Variants in ATG10 observed in about 807,000 individuals in gnomAD.
ATG10 encodes the protein autophagy related 10.
A neutral mutation model predicts 32.1 loss-of-function variants in ATG10; 30 were observed. That is an observed-to-expected ratio of 0.94 (90% confidence interval 0.70 to 1.27). ATG10 has a LOEUF of 1.27. Among genes scored for constraint, ATG10 ranks in the 50% most tolerant of loss-of-function variants. ATG10 has a pLI of 0.00. For missense variants in ATG10, 233 were observed against 262.3 expected, an observed-to-expected ratio of 0.89 and a Z score of 0.77; for synonymous variants, 87 against 91.5, an observed-to-expected ratio of 0.95 and a Z score of 0.28.
chr5:82,216,564 A>G (rs917725508), intron 5 of ATG10, among the ~76,000 whole-genome samples: 24 of 152,344 alleles, frequency 1.6e-4, no homozygotes, highest in African/African-American at 5.3e-4. Flanking sequence ...GACTTCAAGC[A>G]TGCTAATTAG....
chr5:82,234,371 C>T (rs1487892390), intron 5 of ATG10, among the ~76,000 whole-genome samples: 2 of 152,132 alleles, frequency 1.3e-5, no homozygotes, highest in Non-Finnish European at 2.9e-5. Flanking sequence ...GTATCAGGGC[C>T]CACCCTGCAG....
intron 3 of ATG10, among the ~76,000 whole-genome samples, chr5:82,064,448 G>A (rs961559353): frequency 6.6e-6 from 1 of 152,074 alleles, no homozygotes; most frequent in Non-Finnish European, 1.5e-5. Flanking sequence ...AAACTTGAGG[G>A]AAGGGTTTTT....
At chr5:82,253,785 C>G (rs1747357872) in intron 7 of ATG10, among the ~76,000 whole-genome samples, 2 of 152,162 alleles carry the variant, frequency 1.3e-5, no homozygotes, top group African/African-American at 4.8e-5. Flanking sequence ...AGGTTGCGCG[C>G]TCCTTATGAG....
rs117024063 is a variant in ATG10 at position 82,121,353 on chromosome 5, G to A, written c.217-43046G>A. 8.7e-4 allele frequency among the ~76,000 whole-genome samples: 132 copies of A among 152,280 alleles called. 1 individual carries two copies. The East Asian group carries it at 0.025, about 28-fold the overall frequency. ...TGAAGTTGTTTGTCAGCTGAAGGAG[G>A]TTTTGGATCAAGACTATGGAATGTT... On this transcript the variant is annotated intron_variant, in intron 3 of 7. Coordinates refer to ENST00000282185, the MANE Select transcript of ATG10 (RefSeq NM_031482.5).
chr5:82,112,334 A>T (rs557419583), intron 3 of ATG10, among the ~76,000 whole-genome samples: 3 of 152,058 alleles, frequency 2.0e-5, no homozygotes, highest in Non-Finnish European at 2.9e-5. Flanking sequence ...AACCATTTTT[A>T]AAATATATTT....
intron 3 of ATG10, among the ~76,000 whole-genome samples, chr5:82,123,524 T>TA (rs371845829): frequency 0.22 from 30,637 of 138,282 alleles, 3,478 homozygotes; most frequent in Middle Eastern, 0.32. Flanking sequence ...AAAATAAAAG[T>TA]AAAAAAAAAA....
chr5:82,046,955 A>G (rs989058650), intron 2 of ATG10, among the ~76,000 whole-genome samples: 2 of 152,124 alleles, frequency 1.3e-5, no homozygotes, highest in African/African-American at 2.4e-5. Flanking sequence ...ATCAAGATGA[A>G]GAAGGCCAAC....
At chr5:82,135,595 G>C (rs1304315412) in intron 3 of ATG10, among the ~76,000 whole-genome samples, 1 of 151,946 alleles carries the variant, frequency 6.6e-6, no homozygotes, top group African/African-American at 2.4e-5. Context: ...AGACTGTTAT[G>C]ATTTCTGTTC....
intron 2 of ATG10, among the ~76,000 whole-genome samples, chr5:81,998,461 A>G (rs1451394475): frequency 1.3e-5 from 2 of 152,230 alleles, no homozygotes; most frequent in African/African-American, 4.8e-5. Flanking sequence ...CAGTGACACT[A>G]TAAAGCAACC....
chr5:82,181,284 G>A (rs1005240099), intron 5 of ATG10, among the ~76,000 whole-genome samples: 1 of 152,104 alleles, frequency 6.6e-6, no homozygotes, highest in Admixed American at 6.6e-5. Context: ...TAATAACAAT[G>A]TTTATTTAAG....
At chr5:82,036,895 G>T (rs964888813) in intron 2 of ATG10, among the ~76,000 whole-genome samples, 1 of 151,786 alleles carries the variant, frequency 6.6e-6, no homozygotes, top group Non-Finnish European at 1.5e-5. Flanking sequence ...CACTATGGAA[G>T]GCAGAGGCCG....
intron 5 of ATG10, among the ~76,000 whole-genome samples, chr5:82,230,751 A>AAAAAAAAAAAAAAAAAAAT (rs1746335401): frequency 6.6e-6 from 1 of 151,104 alleles, no homozygotes. Context: ...AAAAAAAAAA[A>AAAAAAAAAAAAAAAAAAAT]AAAAAAGTAT....
At chr5:82,086,342 A>T (rs1418227520) in intron 3 of ATG10, among the ~76,000 whole-genome samples, 1 of 152,246 alleles carries the variant, frequency 6.6e-6, no homozygotes, top group African/African-American at 2.4e-5. Context: ...AATAAAATTT[A>T]AAATTACAAT....
At chr5:82,085,756 C>T (rs1217699236) in intron 3 of ATG10, among the ~76,000 whole-genome samples, 1 of 152,034 alleles carries the variant, frequency 6.6e-6, no homozygotes, top group Non-Finnish European at 1.5e-5. Flanking sequence ...TGGGTATTTG[C>T]ACACACTAGG....
At chr5:82,208,452 T>C (rs138189684) in intron 5 of ATG10, among the ~76,000 whole-genome samples, 2 of 152,306 alleles carry the variant, frequency 1.3e-5, no homozygotes, top group East Asian at 3.9e-4. Context: ...CCTCCATTGA[T>C]TAGTTTTTAA....
At chr5:82,210,297 G>T (rs922816105) in intron 5 of ATG10, among the ~76,000 whole-genome samples, 1 of 152,188 alleles carries the variant, frequency 6.6e-6, no homozygotes. Flanking sequence ...ATTTACTTCT[G>T]CTTCAGGGAG....
At chr5:82,135,893 C>G (rs1187757791) in intron 3 of ATG10, among the ~76,000 whole-genome samples, 1 of 152,152 alleles carries the variant, frequency 6.6e-6, no homozygotes, top group East Asian at 1.9e-4. Context: ...CTTTATGAAT[C>G]TAGGTGGTCC....
At position 81,978,407 on chromosome 5, in the gene ATG10, A is replaced by AC. The variant is rs149298952; in HGVS notation, c.-13+6105dup. 3.6e-3 allele frequency among the ~76,000 whole-genome samples: 550 copies of AC among 152,142 alleles called. 4 individuals carry two copies. Among genetic ancestry groups the AC allele is most frequent in the Non-Finnish European group, 4.0e-3 (270 of 68,004 alleles). ...TTTTTGGATACTTTTGGCCAAGGAT[A>AC]CCCCATTATCTCCTTATTTCCTAAT... On this transcript the variant is annotated intron_variant, in intron 1 of 7. Transcript: ENST00000282185.
intron 3 of ATG10, among the ~76,000 whole-genome samples, chr5:82,107,354 G>A (rs1038885295): frequency 1.3e-5 from 2 of 151,956 alleles, no homozygotes; most frequent in Non-Finnish European, 2.9e-5. Flanking sequence ...ATTTCCAAAA[G>A]AACTCAGTGG....
Sources: gnomAD v4.1 joint callset for allele counts (sites outside exome capture counted in the v4.1 genomes callset) on GRCh38, gnomAD v4.1.1 for gene constraint, MANE v1.5 for transcripts, NCBI Gene and HGNC (gene_info 2026-07-23, HGNC 2026-07-21) for gene names.